IL15: variants seen among roughly 807,000 people sequenced by gnomAD.
IL15 encodes interleukin-15.
In IL15, 11 loss-of-function variants were observed where a neutral mutation model predicts 19.6. That is an observed-to-expected ratio of 0.56 (90% confidence interval 0.35 to 0.93). IL15 has a LOEUF of 0.93. IL15 is among the 40% of genes least tolerant of loss of function. IL15 has a pLI of 0.01. For missense variants in IL15, 197 were observed against 186.5 expected (o/e 1.06, Z -0.33); for synonymous variants, 58 against 59.6 (o/e 0.97, Z 0.12).
chr4:141,699,122 G>T lies in IL15; in HGVS notation c.-99-20244G>T, dbSNP rs1000896788. ...CAAGAGCAGATTATTAAATTTCCAT[G>T]TATTTATAAAGTCCTGAGGGTTCCT... On this transcript the variant is annotated intron_variant, in intron 2 of 7. Transcript: ENST00000320650. Among the ~76,000 whole-genome samples, 48 of 152,204 alleles carry T rather than the reference G, an allele frequency of 3.2e-4. 2 individuals carry two copies. Among genetic ancestry groups the T allele is most frequent in the Admixed American group, 3.0e-3 (46 of 15,286 alleles).
At position 141,678,791 on chromosome 4, in the gene IL15, AG is replaced by A. The variant is rs888355175; in HGVS notation, c.-100+22487del. Reference sequence around the variant, plus strand: ...TAATTTTTGTATTTTTAGTAGAGACAGGGTTTCTCCGTGTTGGCCAGGATGG... The same window carrying A: ...TAATTTTTGTATTTTTAGTAGAGACAGGTTTCTCCGTGTTGGCCAGGATGG... On this transcript the variant is annotated intron_variant, in intron 2 of 7. Coordinates refer to ENST00000320650, the MANE Select transcript of IL15 (RefSeq NM_000585.5). 1.4e-4 allele frequency among the ~76,000 whole-genome samples: 21 copies of A among 152,012 alleles called. 1 individual carries two copies. Among genetic ancestry groups the A allele is most frequent in the Admixed American group, 3.3e-4 (5 of 15,282 alleles).
At chr4:141,706,496 A>G (rs4956405) in intron 2 of IL15, among the ~76,000 whole-genome samples, 91,421 of 151,858 alleles carry the variant, frequency 0.6, 28,107 homozygotes, top group East Asian at 0.95. Context: ...TGATTTATGA[A>G]TTTACCTATA....
At chr4:141,666,660 C>CTT (rs112446661) in intron 2 of IL15, among the ~76,000 whole-genome samples, 8 of 149,098 alleles carry the variant, frequency 5.4e-5, no homozygotes, top group African/African-American at 1.5e-4. Flanking sequence ...CTTCCCCCCA[C>CTT]TTTTTTTTTT....
chr4:141,697,499 T>C (rs753406523), intron 2 of IL15, among the ~76,000 whole-genome samples: 11 of 152,112 alleles, frequency 7.2e-5, no homozygotes, highest in Non-Finnish European at 1.3e-4. Flanking sequence ...GTGGGTTCCT[T>C]TTTGGTTCCA....
At chr4:141,652,314 A>T (rs1212917274) in intron 1 of IL15, among the ~76,000 whole-genome samples, 1 of 152,094 alleles carries the variant, frequency 6.6e-6, no homozygotes, top group Admixed American at 6.6e-5. Context: ...GCCCAAGTGG[A>T]GAAGGAAGAA....
At chr4:141,728,057 C>G in intron 6 of IL15, 73 bp downstream of exon 6, 1 of 725,412 alleles carries the variant, frequency 1.4e-6, no homozygotes, top group Non-Finnish European at 2.3e-6. Flanking sequence ...TTTGTAACAA[C>G]TAAAATATGG....
intron 7 of IL15, among the ~76,000 whole-genome samples, chr4:141,730,690 G>A (rs769465250): frequency 6.6e-6 from 1 of 152,272 alleles, no homozygotes; most frequent in Non-Finnish European, 1.5e-5. Flanking sequence ...CTAGGTACTC[G>A]TATGATAGGC....
At chr4:141,683,771 G>C (rs1361130749) in intron 2 of IL15, among the ~76,000 whole-genome samples, 1 of 152,146 alleles carries the variant, frequency 6.6e-6, no homozygotes, top group Non-Finnish European at 1.5e-5. Flanking sequence ...TGAAGATGGA[G>C]ATGATGTTAA....
intron 2 of IL15, among the ~76,000 whole-genome samples, chr4:141,680,291 G>A (rs1728490438): frequency 6.6e-6 from 1 of 152,174 alleles, no homozygotes; most frequent in African/African-American, 2.4e-5. Flanking sequence ...GTGTGGCTAT[G>A]TTTGTGAGAG....
At chr4:141,730,917 A>G (rs886438120) in intron 7 of IL15, among the ~76,000 whole-genome samples, 2 of 152,212 alleles carry the variant, frequency 1.3e-5, no homozygotes, top group Non-Finnish European at 2.9e-5. Flanking sequence ...GAAATAAACC[A>G]AGCACTCAGC....
At chr4:141,707,774 G>A (rs1387708824) in intron 2 of IL15, among the ~76,000 whole-genome samples, 2 of 152,174 alleles carry the variant, frequency 1.3e-5, no homozygotes, top group Non-Finnish European at 2.9e-5. Context: ...TTGGGCATGT[G>A]GGGGCACAGA....
chr4:141,672,328 G>T (rs1354014532), intron 2 of IL15, among the ~76,000 whole-genome samples: 7 of 152,142 alleles, frequency 4.6e-5, no homozygotes, highest in Admixed American at 4.6e-4. Flanking sequence ...ATAACAAGAA[G>T]ATAAATATTT....
intron 1 of IL15, among the ~76,000 whole-genome samples, chr4:141,655,774 G>A (rs1332111751): frequency 6.6e-6 from 1 of 152,048 alleles, no homozygotes; most frequent in African/African-American, 2.4e-5. Flanking sequence ...TAGAATAAAC[G>A]TTTACAACTT....
At chr4:141,708,319 G>A (rs1476370732) in intron 2 of IL15, among the ~76,000 whole-genome samples, 1 of 152,156 alleles carries the variant, frequency 6.6e-6, no homozygotes, top group East Asian at 1.9e-4. Flanking sequence ...GCATTCATGT[G>A]AACATAGTGG....
intron 2 of IL15, among the ~76,000 whole-genome samples, chr4:141,662,514 A>G (rs1272260062): frequency 6.6e-6 from 1 of 152,180 alleles, no homozygotes; most frequent in Non-Finnish European, 1.5e-5. Flanking sequence ...ATTGCATGAT[A>G]TATATTTTCT....
intron 2 of IL15, among the ~76,000 whole-genome samples, chr4:141,673,634 G>A (rs1213588554): frequency 1.3e-5 from 2 of 151,988 alleles, no homozygotes; most frequent in African/African-American, 2.4e-5. Context: ...ATCTGCCTCC[G>A]GAACACACGT....
intron 2 of IL15, among the ~76,000 whole-genome samples, chr4:141,687,459 T>C (rs970055148): frequency 3.3e-5 from 5 of 151,980 alleles, no homozygotes; most frequent in Non-Finnish European, 7.4e-5. Context: ...TTTTAGGAGG[T>C]AGAAGGTGAG....
In IL15 at chr4:141,732,589, A is replaced by C. The variant is rs1174331487; in HGVS notation, c.379-149A>C. Reference sequence around the variant, plus strand: ...AAATCTCCCTGTTCTCTTTCCTCGTAGTTCTTCCTAATATGCTATTTATTT... The same window carrying C: ...AAATCTCCCTGTTCTCTTTCCTCGTCGTTCTTCCTAATATGCTATTTATTT... On this transcript the variant is annotated intron_variant, in intron 7 of 7. Coordinates refer to ENST00000320650, the MANE Select transcript of IL15 (RefSeq NM_000585.5). 6.0e-6 allele frequency: 6 copies of C among 1,007,204 alleles called. No homozygotes were observed. In the Admixed American group the frequency reaches 1.6e-4, roughly 27 times the overall value. The allele number at this position is 1,007,204 out of a possible 1,614,324, so 62.4% of individuals were successfully genotyped here. A position where few individuals can be genotyped will look rare whatever the true frequency, so the allele number is the denominator to read the frequency against.
At chr4:141,637,956 T>G (rs1726913316) in intron 1 of IL15, among the ~76,000 whole-genome samples, 1 of 152,102 alleles carries the variant, frequency 6.6e-6, no homozygotes, top group Non-Finnish European at 1.5e-5. Context: ...ACCATTCTAC[T>G]GAAAGCATCA....
Sources: allele counts gnomAD v4.1 joint callset (sites outside exome capture counted in the v4.1 genomes callset), GRCh38; gene constraint gnomAD v4.1.1; transcripts MANE v1.5; gene names NCBI Gene and HGNC (gene_info 2026-07-23, HGNC 2026-07-21).